Variants in NDUFS4 observed in about 807,000 individuals in gnomAD.
NDUFS4 encodes the protein NADH dehydrogenase [ubiquinone] iron-sulfur protein 4, mitochondrial.
In NDUFS4, 28 loss-of-function variants were observed where a neutral mutation model predicts 24.3. The observed-to-expected ratio is 1.15, with a 90% CI of 0.85 to 1.58. The LOEUF (loss-of-function observed/expected upper bound fraction) is 1.58. Among genes scored for constraint, NDUFS4 ranks in the 40% most tolerant of loss-of-function variants. The pLI is 0.00. For missense variants in NDUFS4, 223 were observed against 207.9 expected (o/e 1.07, Z -0.45); for synonymous variants, 93 against 69.7 (o/e 1.34, Z -1.67).
intron 1 of NDUFS4, among the ~76,000 whole-genome samples, chr5:53,584,637 G>T (rs1749683284): frequency 6.6e-6 from 1 of 152,108 alleles, no homozygotes; most frequent in Admixed American, 6.5e-5. Context: ...ACCATGCCTG[G>T]CCTCAAATGA....
At chr5:53,634,427 A>G (rs779996973) in intron 2 of NDUFS4, among the ~76,000 whole-genome samples, 1 of 152,122 alleles carries the variant, frequency 6.6e-6, no homozygotes, top group Non-Finnish European at 1.5e-5. Flanking sequence ...GAATTATTTC[A>G]TCTTTAGTTC....
rs200754099 is a variant in NDUFS4, at chr5:53,569,237, CAT to C, written c.98+8478_98+8479del. ...TAAGTCTAATAAGATTAGACTTAGA[CAT>C]GTGTAATTTGAATTTAATTTTAATA... is the stretch of plus-strand genomic sequence containing the variant. On this transcript the variant is annotated intron_variant, in intron 1 of 4. Coordinates refer to ENST00000296684, the MANE Select transcript of NDUFS4 (RefSeq NM_002495.4). Among the ~76,000 whole-genome samples the C allele has an allele frequency of 9.2e-3, 1,397 of 152,180 alleles. 17 individuals are homozygous for C. The highest frequency in any genetic ancestry group is 0.032 in the African/African-American group (1,321 of 41,530).
intron 4 of NDUFS4, among the ~76,000 whole-genome samples, chr5:53,674,368 ATTATT>A (rs1337149880): frequency 1.3e-5 from 2 of 152,168 alleles, no homozygotes; most frequent in Non-Finnish European, 2.9e-5. Flanking sequence ...AGGCCAGAGA[ATTATT>A]TTATGGTCTA....
intron 4 of NDUFS4, among the ~76,000 whole-genome samples, chr5:53,677,628 G>C (rs1309849491): frequency 6.6e-6 from 1 of 152,048 alleles, no homozygotes; most frequent in Admixed American, 6.6e-5. Context: ...TTATATGTTA[G>C]GGTTATGCTC....
chr5:53,661,335 G>C (rs560323576), intron 4 of NDUFS4, among the ~76,000 whole-genome samples: 3 of 152,126 alleles, frequency 2.0e-5, no homozygotes, highest in Middle Eastern at 3.4e-3. Flanking sequence ...ATTTCTGAGG[G>C]CTCTGTTCTG....
chr5:53,634,977 G>A (rs1751506888), intron 2 of NDUFS4, among the ~76,000 whole-genome samples: 1 of 151,962 alleles, frequency 6.6e-6, no homozygotes, highest in South Asian at 2.1e-4. Flanking sequence ...TCACCTTGAG[G>A]TCAAGCGTTC....
chr5:53,680,184 G>T (rs981458256), intron 4 of NDUFS4, among the ~76,000 whole-genome samples: 86 of 152,036 alleles, frequency 5.7e-4, no homozygotes, highest in African/African-American at 2.1e-3. Flanking sequence ...TTCCTTTAAG[G>T]TAATGTAAAA....
At chr5:53,614,598 C>G (rs990812659) in intron 2 of NDUFS4, among the ~76,000 whole-genome samples, 12 of 152,012 alleles carry the variant, frequency 7.9e-5, no homozygotes, top group African/African-American at 2.6e-4. Context: ...GTTCTATGTA[C>G]CAATTAGCAA....
At chr5:53,564,734 G>T (rs960279868) in intron 1 of NDUFS4, among the ~76,000 whole-genome samples, 2 of 152,042 alleles carry the variant, frequency 1.3e-5, no homozygotes, top group Non-Finnish European at 2.9e-5. Context: ...TACAGACGGG[G>T]TTTCACACTG....
intron 2 of NDUFS4, among the ~76,000 whole-genome samples, chr5:53,616,635 TATAAA>T (rs1333857202): frequency 6.6e-6 from 1 of 152,102 alleles, no homozygotes; most frequent in Non-Finnish European, 1.5e-5. Flanking sequence ...AGGAGAATGA[TATAAA>T]ATGAGATCAG....
chr5:53,594,747 TG>T (rs1750079009), intron 1 of NDUFS4, among the ~76,000 whole-genome samples: 1 of 152,142 alleles, frequency 6.6e-6, no homozygotes, highest in South Asian at 2.1e-4. Context: ...GTGGATATTT[TG>T]CCTTAATTTG....
At chr5:53,620,407 A>G (rs1314812388) in intron 2 of NDUFS4, among the ~76,000 whole-genome samples, 1 of 152,166 alleles carries the variant, frequency 6.6e-6, no homozygotes, top group Non-Finnish European at 1.5e-5. Flanking sequence ...AAGGCTTAGT[A>G]TATATATCCT....
intron 4 of NDUFS4, among the ~76,000 whole-genome samples, chr5:53,677,142 T>C (rs1025532777): frequency 1.4e-4 from 21 of 152,190 alleles, no homozygotes; most frequent in African/African-American, 4.8e-4. Context: ...AGTAATGGAT[T>C]ACTACCTTGG....
At chr5:53,587,078 C>T (rs1407774524) in intron 1 of NDUFS4, among the ~76,000 whole-genome samples, 1 of 152,030 alleles carries the variant, frequency 6.6e-6, no homozygotes, top group African/African-American at 2.4e-5. Context: ...CCTGCCTCGG[C>T]GTCTCAAAGT....
At chr5:53,645,416 A>G (rs979064997) in intron 2 of NDUFS4, among the ~76,000 whole-genome samples, 1 of 151,828 alleles carries the variant, frequency 6.6e-6, no homozygotes, top group Non-Finnish European at 1.5e-5. Flanking sequence ...ATAAGTTTTA[A>G]ACTCTGAATT....
intron 4 of NDUFS4, 92 bp from the exon 5 acceptor site, chr5:53,683,026 T>TAAG: frequency 2.4e-6 from 2 of 843,614 alleles, no homozygotes; most frequent in Middle Eastern, 2.2e-4. Flanking sequence ...AACATTAAGT[T>TAAG]AAGTTATAAA....
intron 1 of NDUFS4, among the ~76,000 whole-genome samples, chr5:53,597,893 T>G (rs915386969): frequency 1.3e-5 from 2 of 152,132 alleles, no homozygotes; most frequent in Non-Finnish European, 2.9e-5. Flanking sequence ...AAATAATTCT[T>G]AAAATTCAAC....
At chr5:53,587,456 A>T (rs991649720) in intron 1 of NDUFS4, among the ~76,000 whole-genome samples, 2 of 152,170 alleles carry the variant, frequency 1.3e-5, no homozygotes, top group African/African-American at 4.8e-5. Context: ...TTGCATATAT[A>T]TGTATATAAA....
chr5:53,677,544 T>C (rs1214172624), intron 4 of NDUFS4, among the ~76,000 whole-genome samples: 1 of 152,286 alleles, frequency 6.6e-6, no homozygotes, highest in East Asian at 1.9e-4. Flanking sequence ...ATGTACCTAA[T>C]TGGTAATTTC....
Sources: allele counts gnomAD v4.1 joint callset (sites outside exome capture counted in the v4.1 genomes callset), GRCh38; gene constraint gnomAD v4.1.1; transcripts MANE v1.5; gene names NCBI Gene and HGNC (gene_info 2026-07-23, HGNC 2026-07-21).